The following SLC25A21 variants were observed in gnomAD, a reference collection of about 807,000 sequenced individuals.
SLC25A21 encodes mitochondrial 2-oxodicarboxylate carrier.
A neutral mutation model predicts 43.8 loss-of-function variants in SLC25A21; 47 were observed. The observed-to-expected ratio is 1.07, with a 90% CI of 0.85 to 1.37. SLC25A21 has a LOEUF of 1.37. Ranked by LOEUF, SLC25A21 falls within the 40% of genes most tolerant of loss-of-function variation. The probability of loss-of-function intolerance (pLI) is 0.00; values close to 1 mark genes in which losing one functional copy is unlikely to be tolerated. For missense variants in SLC25A21, 352 were observed against 350.2 expected (o/e 1.00, Z -0.04); for synonymous variants, 131 against 121.3 (o/e 1.08, Z -0.52).
chr14:37,050,465 G>A (rs1961680086), intron 1 of SLC25A21, among the ~76,000 whole-genome samples: 1 of 152,228 alleles, frequency 6.6e-6, no homozygotes, highest in Non-Finnish European at 1.5e-5. Context: ...AAGAGGCTGA[G>A]TGGGGGCTGA....
intron 1 of SLC25A21, among the ~76,000 whole-genome samples, chr14:37,055,941 G>T (rs1382188094): frequency 1.3e-5 from 2 of 152,148 alleles, no homozygotes; most frequent in African/African-American, 4.8e-5. Context: ...GTGAGGCCTG[G>T]TGGGAGGTGA....
At chr14:36,698,555 A>G (rs900672156) in intron 7 of SLC25A21, among the ~76,000 whole-genome samples, 1 of 152,214 alleles carries the variant, frequency 6.6e-6, no homozygotes, top group African/African-American at 2.4e-5. Context: ...TACACCAATC[A>G]AACGTAAATT....
At chr14:36,809,690 T>A (rs1336984699) in intron 3 of SLC25A21, among the ~76,000 whole-genome samples, 2 of 152,124 alleles carry the variant, frequency 1.3e-5, no homozygotes, top group Non-Finnish European at 2.9e-5. Context: ...TGTGCAGATT[T>A]TAAGTGTATT....
At chr14:36,852,878 A>C (rs1889786156) in intron 2 of SLC25A21, among the ~76,000 whole-genome samples, 1 of 152,172 alleles carries the variant, frequency 6.6e-6, no homozygotes, top group Admixed American at 6.5e-5. Context: ...GTAGAAACTT[A>C]ATATACTGAA....
chr14:37,016,067 T>C (rs1047449991), intron 1 of SLC25A21, among the ~76,000 whole-genome samples: 21 of 152,106 alleles, frequency 1.4e-4, no homozygotes, highest in African/African-American at 5.1e-4. Context: ...TTTGTCAATT[T>C]TGGCTTTTGT....
At chr14:36,909,601 T>G (rs900783571) in intron 1 of SLC25A21, among the ~76,000 whole-genome samples, 31 of 152,216 alleles carry the variant, frequency 2.0e-4, no homozygotes, top group African/African-American at 7.5e-4. Context: ...TTATTCCAAA[T>G]TCATGGGTTT....
At chr14:37,039,754 A>G (rs1014728402) in intron 1 of SLC25A21, among the ~76,000 whole-genome samples, 2 of 152,346 alleles carry the variant, frequency 1.3e-5, no homozygotes, top group South Asian at 4.1e-4. Context: ...TGTTTAACAC[A>G]GAGACAGATA....
chr14:36,704,033 G>C (rs1883392583), intron 7 of SLC25A21, among the ~76,000 whole-genome samples: 2 of 152,060 alleles, frequency 1.3e-5, no homozygotes, highest in Admixed American at 6.5e-5. Flanking sequence ...TGAATTCCAT[G>C]GTCAGTCAAT....
At chr14:36,758,607 AGG>A (rs1314775827) in intron 3 of SLC25A21, among the ~76,000 whole-genome samples, 1 of 146,632 alleles carries the variant, frequency 6.8e-6, no homozygotes, top group East Asian at 2.0e-4. Context: ...AAAAAAAAAA[AGG>A]AGGTTTTAGG....
At chr14:36,692,994 TC>T (rs1882854653) in intron 7 of SLC25A21, among the ~76,000 whole-genome samples, 1 of 152,214 alleles carries the variant, frequency 6.6e-6, no homozygotes, top group African/African-American at 2.4e-5. Context: ...TGTGACTCAT[TC>T]CCATGCCCTC....
At chr14:36,858,939 T>C (rs1889984765) in intron 2 of SLC25A21, among the ~76,000 whole-genome samples, 1 of 152,204 alleles carries the variant, frequency 6.6e-6, no homozygotes, top group African/African-American at 2.4e-5. Flanking sequence ...ATAATCGACT[T>C]TGGTTTTCAA....
chr14:36,994,395 C>A (rs1960328595), intron 1 of SLC25A21, among the ~76,000 whole-genome samples: 1 of 152,136 alleles, frequency 6.6e-6, no homozygotes, highest in Non-Finnish European at 1.5e-5. Flanking sequence ...ATTTCCTTTT[C>A]ACTGGTCCTT....
At chr14:36,721,851 A>G (rs1478987303) in intron 6 of SLC25A21, among the ~76,000 whole-genome samples, 2 of 152,212 alleles carry the variant, frequency 1.3e-5, no homozygotes, top group Non-Finnish European at 2.9e-5. Context: ...AAACTGTTCT[A>G]TATTTTCTAA....
At chr14:36,931,575 T>G (rs1232021779) in intron 1 of SLC25A21, among the ~76,000 whole-genome samples, 1 of 152,166 alleles carries the variant, frequency 6.6e-6, no homozygotes, top group African/African-American at 2.4e-5. Flanking sequence ...TATATTTTCT[T>G]GTGTAGACAA....
chr14:36,827,875 C>T (rs1888892046), intron 2 of SLC25A21, among the ~76,000 whole-genome samples: 1 of 151,972 alleles, frequency 6.6e-6, no homozygotes, highest in African/African-American at 2.4e-5. Context: ...TTGAAGATAC[C>T]ACAGTTTTAG....
chr14:37,126,926 T>C (rs979659344), intron 1 of SLC25A21, among the ~76,000 whole-genome samples: 1 of 152,190 alleles, frequency 6.6e-6, no homozygotes, highest in African/African-American at 2.4e-5. Flanking sequence ...AGCCTGTGTT[T>C]GGAAAGAGGA....
At chr14:37,057,664 A>G (rs942197785) in intron 1 of SLC25A21, among the ~76,000 whole-genome samples, 1 of 152,206 alleles carries the variant, frequency 6.6e-6, no homozygotes, top group South Asian at 2.1e-4. Context: ...TTATTGATGA[A>G]TTACAATGTT....
intron 7 of SLC25A21, among the ~76,000 whole-genome samples, chr14:36,692,523 C>T (rs1319213604): frequency 4.6e-5 from 7 of 152,234 alleles, no homozygotes; most frequent in African/African-American, 1.7e-4. Flanking sequence ...CTGGCATGGG[C>T]TCTGACACCT....
At chr14:36,809,139 A>C (rs956355431) in intron 3 of SLC25A21, 3 of 152,184 alleles carry the variant, frequency 2.0e-5, no homozygotes, top group African/African-American at 7.2e-5. Context: ...AACCAACGCT[A>C]TTGGTTTTAA....
Sources: allele counts gnomAD v4.1 joint callset (sites outside exome capture counted in the v4.1 genomes callset), GRCh38; gene constraint gnomAD v4.1.1; transcripts MANE v1.5; gene names NCBI Gene and HGNC (gene_info 2026-07-23, HGNC 2026-07-21).